Variants in NYAP2 observed in about 807,000 individuals in gnomAD.
NYAP2 encodes the protein neuronal tyrosine-phosphorylated phosphoinositide-3-kinase adaptor 2, also known as neuronal tyrosine-phosphorylated phosphoinositide-3-kinase adapter 2.
A neutral mutation model predicts 50.4 loss-of-function variants in NYAP2; 23 were observed. The ratio of observed to expected loss-of-function variants is 0.46; its 90% CI spans 0.33 to 0.65. The LOEUF is 0.65. Ranked by LOEUF, NYAP2 falls within the 30% of genes least tolerant of loss-of-function variation. The pLI, the probability that NYAP2 is intolerant of heterozygous loss-of-function variation, is 0.02. For synonymous variants in NYAP2, 394 were observed against 365.2 expected (o/e 1.08, Z -0.90); for missense variants, 885 against 861.0 (o/e 1.03, Z -0.35).
At chr2:225,621,774 T>C (rs1046298068) in intron 5 of NYAP2, among the ~76,000 whole-genome samples, 3 of 152,114 alleles carry the variant, frequency 2.0e-5, no homozygotes, top group Admixed American at 6.5e-5. Flanking sequence ...ATTTGTTATA[T>C]AGGTATACAC....
At chr2:225,512,103 T>C (rs891512862) in intron 3 of NYAP2, among the ~76,000 whole-genome samples, 20 of 152,210 alleles carry the variant, frequency 1.3e-4, no homozygotes, top group Admixed American at 1.1e-3. Flanking sequence ...GTGTCCCTTC[T>C]TTTCATAAAG....
rs567495166 is a variant in NYAP2 at position 225,541,346 on chromosome 2, T to A, written c.523+27674T>A. On this transcript the variant is annotated intron_variant, in intron 4 of 6. Coordinates refer to ENST00000636099, the Ensembl canonical transcript of NYAP2. Reference sequence around the variant, plus strand: ...TTAGTTGCCTGTGCTTCTGGGGTATTACTCAATAAATCTTTGCCCAGTCCG... The same window carrying A: ...TTAGTTGCCTGTGCTTCTGGGGTATAACTCAATAAATCTTTGCCCAGTCCG... Among the ~76,000 whole-genome samples, 4 of 152,314 alleles carry A rather than the reference T, an allele frequency of 2.6e-5. No homozygotes were observed. The South Asian group carries it at 8.3e-4, about 32-fold the overall frequency.
chr2:225,439,027 A>ATGTGAGTTGG (rs1216517680), intron 3 of NYAP2, among the ~76,000 whole-genome samples: 1 of 152,190 alleles, frequency 6.6e-6, no homozygotes, highest in Non-Finnish European at 1.5e-5. Flanking sequence ...ATACATCTGC[A>ATGTGAGTTGG]TGTGAGTTGG....
chr2:225,563,811 T>G (rs1165760918), intron 4 of NYAP2, among the ~76,000 whole-genome samples: 1 of 152,180 alleles, frequency 6.6e-6, no homozygotes, highest in African/African-American at 2.4e-5. Flanking sequence ...TAAATTCCTG[T>G]TAATATTACT....
intron 3 of NYAP2, among the ~76,000 whole-genome samples, chr2:225,490,738 A>G (rs538966712): frequency 6.6e-6 from 1 of 152,316 alleles, no homozygotes; most frequent in East Asian, 1.9e-4. Context: ...CATTGCAATC[A>G]ATGTAAATTA....
intron 6 of NYAP2, among the ~76,000 whole-genome samples, chr2:225,640,030 G>C (rs937719534): frequency 6.6e-6 from 1 of 152,070 alleles, no homozygotes; most frequent in Non-Finnish European, 1.5e-5. Context: ...TCCATGACTC[G>C]GGTCTTACCT....
chr2:225,534,581 A>T (rs972531713), intron 4 of NYAP2, among the ~76,000 whole-genome samples: 1 of 152,240 alleles, frequency 6.6e-6, no homozygotes, highest in African/African-American at 2.4e-5. Flanking sequence ...AGAAAAATCC[A>T]AAGCAAGGTA....
chr2:225,667,507 A>G, the NYAP2 span, among the ~76,000 whole-genome samples: 3 of 152,320 alleles, frequency 2.0e-5, no homozygotes, highest in African/African-American at 7.2e-5. Context: ...TGGGAGAATT[A>G]GGAACCATAA....
intron 4 of NYAP2, among the ~76,000 whole-genome samples, chr2:225,575,119 T>A (rs1413339228): frequency 6.6e-6 from 1 of 152,130 alleles, no homozygotes; most frequent in Non-Finnish European, 1.5e-5. Flanking sequence ...GGTCCACAGT[T>A]TCATGAGGTA....
chr2:225,402,447 A>G (rs1262341739), intron 2 of NYAP2, among the ~76,000 whole-genome samples: 2 of 152,058 alleles, frequency 1.3e-5, no homozygotes, highest in Non-Finnish European at 2.9e-5. Context: ...GCCTCCAAAA[A>G]GTATCTCAGC....
At chr2:225,470,912 C>T (rs981887423) in intron 3 of NYAP2, among the ~76,000 whole-genome samples, 2 of 152,182 alleles carry the variant, frequency 1.3e-5, no homozygotes, top group South Asian at 2.1e-4. Context: ...CAGCCTCCTT[C>T]CCAGCTGGGA....
intron 5 of NYAP2, among the ~76,000 whole-genome samples, chr2:225,589,919 C>A (rs573673923): frequency 5.9e-5 from 9 of 152,170 alleles, no homozygotes; most frequent in African/African-American, 1.9e-4. Context: ...CACATGCAGG[C>A]ATGTTGACTT....
At chr2:225,477,380 G>C (rs1273950420) in intron 3 of NYAP2, among the ~76,000 whole-genome samples, 2 of 151,704 alleles carry the variant, frequency 1.3e-5, no homozygotes, top group Non-Finnish European at 2.9e-5. Context: ...GGGACTACAG[G>C]TGCCCGCCAC....
At chr2:225,473,857 T>C (rs1273822782) in intron 3 of NYAP2, among the ~76,000 whole-genome samples, 2 of 152,174 alleles carry the variant, frequency 1.3e-5, no homozygotes, top group Non-Finnish European at 2.9e-5. Context: ...CCATTGCTTT[T>C]GGTGCTTTAG....
At chr2:225,657,102 CTTTTTTTTTTTT>C (rs375126014), downstream of NYAP2, among the ~76,000 whole-genome samples, 24 of 101,080 alleles carry the variant, frequency 2.4e-4, no homozygotes, top group Non-Finnish European at 3.5e-4. Flanking sequence ...AATCTAATTC[CTTTTTTTTTTTT>C]TTTTTTTTTT....
intron 5 of NYAP2, among the ~76,000 whole-genome samples, chr2:225,624,465 T>C (rs1234693287): frequency 1.3e-5 from 2 of 152,190 alleles, no homozygotes; most frequent in African/African-American, 4.8e-5. Flanking sequence ...AAGTCTTGAC[T>C]ATTTGAGGCC....
At chr2:225,646,789 T>C (rs1014078531) in intron 6 of NYAP2, among the ~76,000 whole-genome samples, 1 of 152,178 alleles carries the variant, frequency 6.6e-6, no homozygotes, top group African/African-American at 2.4e-5. Context: ...TAATTTGCCA[T>C]GTTCAATGGG....
intron 3 of NYAP2, among the ~76,000 whole-genome samples, chr2:225,492,870 G>A (rs924615908): frequency 6.6e-6 from 1 of 152,130 alleles, no homozygotes; most frequent in East Asian, 1.9e-4. Flanking sequence ...CTCCTATGAG[G>A]CCACACATTC....
At chr2:225,684,988 C>A in the NYAP2 span, among the ~76,000 whole-genome samples, 11 of 152,282 alleles carry the variant, frequency 7.2e-5, no homozygotes, top group South Asian at 2.1e-3. Context: ...GGCTCCAGAA[C>A]AGAATTATTG....
Sources: gnomAD v4.1 joint callset for allele counts (sites outside exome capture counted in the v4.1 genomes callset) on GRCh38, gnomAD v4.1.1 for gene constraint, MANE v1.5 for transcripts, NCBI Gene and HGNC (gene_info 2026-07-23, HGNC 2026-07-21) for gene names.